Variants in RCHY1 observed in about 807,000 individuals in gnomAD.
RCHY1 encodes ring finger and CHY zinc finger domain containing 1, also known as RING finger and CHY zinc finger domain-containing protein 1.
Under a neutral mutation model 41.6 loss-of-function variants are expected in RCHY1, and 21 were observed. The observed-to-expected ratio is 0.51, with a 90% CI of 0.36 to 0.73. The LOEUF (loss-of-function observed/expected upper bound fraction) is 0.73, where lower values mean the gene tolerates loss of function less well. Ranked by LOEUF, RCHY1 falls within the 30% of genes least tolerant of loss-of-function variation. The pLI is 0.00. For missense variants in RCHY1, 265 were observed against 325.3 expected (o/e 0.81, Z 1.43); for synonymous variants, 79 against 102.9 (o/e 0.77, Z 1.41).
Position 75,514,394 on chromosome 4 carries a change from G to A in RCHY1, c.-108C>T. On this transcript the variant is annotated 5_prime_UTR_variant, in exon 1 of 9. Transcript: ENST00000324439. ...CCCCTCCCAGCCCCAGCGGCCACTA[G>A]CGACAATATGGCTCCTAAGCACGTG... 7.9e-7 allele frequency: 1 copy of A among 1,271,228 alleles called. No homozygotes were observed. The highest frequency in any genetic ancestry group is 2.6e-5 in the East Asian group (1 of 39,132). 78.7% of individuals were successfully genotyped at this position (1,271,228 alleles called of 1,614,324 possible). A position where few individuals can be genotyped will look rare whatever the true frequency, so the allele number is the denominator to read the frequency against.
chr4:75,495,703 A>G (rs1355274023), intron 3 of RCHY1, among the ~76,000 whole-genome samples: 1 of 152,066 alleles, frequency 6.6e-6, no homozygotes, highest in Non-Finnish European at 1.5e-5. Flanking sequence ...TTTCCATGAG[A>G]AATGAACTTC....
At position 75,481,847 on chromosome 4, in the gene RCHY1, T is replaced by TA. The variant is rs1159859740; in HGVS notation, c.*690dup. 6.6e-6 allele frequency: 1 copy of TA among 152,204 alleles called. No individual in the cohort carries two copies. The highest frequency in any genetic ancestry group is 1.9e-4 in the East Asian group (1 of 5,198). 9.4% of individuals were successfully genotyped at this position (152,204 alleles called of 1,614,324 possible). A position where few individuals can be genotyped will look rare whatever the true frequency, so the allele number is the denominator to read the frequency against. ...CTGTTTTCAATGTTGATGTTTTTAT[T>TA]AAGGCTTTGGAAGAGTCTTATTATT... On this transcript the variant is annotated 3_prime_UTR_variant, in exon 9 of 9. Coordinates refer to ENST00000324439, the MANE Select transcript of RCHY1 (RefSeq NM_015436.4).
At chr4:75,494,871 C>A (rs1189732983) in intron 3 of RCHY1, among the ~76,000 whole-genome samples, 1 of 151,836 alleles carries the variant, frequency 6.6e-6, no homozygotes. Flanking sequence ...GTATTATAGA[C>A]AAACAAAAGA....
intron 3 of RCHY1, among the ~76,000 whole-genome samples, chr4:75,501,537 A>G (rs1361948501): frequency 6.6e-6 from 1 of 152,244 alleles, no homozygotes; most frequent in East Asian, 1.9e-4. Context: ...TTTTTGAACA[A>G]TGACAAAAGA....
In RCHY1 at chr4:75,514,344, A is replaced by G; in HGVS notation, c.-58T>C. 6.4e-7 allele frequency: 1 copy of G among 1,566,478 alleles called. No homozygotes were observed. Among genetic ancestry groups the G allele is most frequent in the Admixed American group, 1.7e-5 (1 of 57,906 alleles). On this transcript the variant is annotated 5_prime_UTR_variant, in exon 1 of 9. Coordinates refer to ENST00000324439, the MANE Select transcript of RCHY1 (RefSeq NM_015436.4). ...TTCCCCCAGGATAAAAACCACGCCC[A>G]GAGAAGCTGCGCCTCTCTAGCACAC...
chr4:75,513,906 T>G (rs1413868940), intron 1 of RCHY1: 7 of 266,052 alleles, frequency 2.6e-5, no homozygotes, highest in African/African-American at 1.5e-4. Flanking sequence ...CGGGGCTGCC[T>G]CAGTCTACTT....
In RCHY1 at chr4:75,513,983, G is replaced by A. The variant is rs539176128; in HGVS notation, c.90+214C>T. The A allele has an allele frequency of 1.1e-3, 675 of 602,580 alleles. 2 individuals carry two copies. The highest frequency in any genetic ancestry group is 1.6e-3 in the Non-Finnish European group (580 of 371,294). 37.3% of individuals were successfully genotyped at this position (602,580 alleles called of 1,614,324 possible). A position where few individuals can be genotyped will look rare whatever the true frequency, so the allele number is the denominator to read the frequency against. Reference sequence around the variant, plus strand: ...TGCAAGCCTAATCACTTCCCAAGAAGGGTTTTGCTTTAAAGGTACGAAGCA... The same window carrying A: ...TGCAAGCCTAATCACTTCCCAAGAAAGGTTTTGCTTTAAAGGTACGAAGCA... On this transcript the variant is annotated intron_variant, in intron 1 of 8. Transcript: ENST00000324439.
chr4:75,489,572 A>G (rs17278863), intron 8 of RCHY1, among the ~76,000 whole-genome samples: 3,749 of 152,354 alleles, frequency 0.025, 59 homozygotes, highest in Non-Finnish European at 0.041. Context: ...GATGGTAATC[A>G]GATCCCCTTG....
At position 75,491,635 on chromosome 4, in the gene RCHY1, G is replaced by A. The variant is rs758856687; in HGVS notation, c.512C>T (p.Thr171Met). ...VLPCGHLLHR[T>M]CYEEMLKEGY... is the part of the protein sequence containing the mutation. ...CTCTTTCAACATTTCTTCATAACAC[G>A]TTCTGAAAGAAAATATAAGATTATT... is the stretch of plus-strand genomic sequence containing the variant. Residue 171 changes from threonine (T) to methionine (M), a missense_variant and splice_region_variant, in exon 7 of 9, where the codon ACG becomes ATG. Thr to Met is a moderately conservative substitution (Grantham distance 81). Coordinates refer to ENST00000324439, the MANE Select transcript of RCHY1 (RefSeq NM_015436.4). The A allele has an allele frequency of 1.8e-5, 28 of 1,599,144 alleles. No individual in the cohort carries two copies. Among genetic ancestry groups the A allele is most frequent in the Non-Finnish European group, 1.4e-5 (16 of 1,167,856 alleles).
At chr4:75,503,855 A>G (rs886250419) in intron 3 of RCHY1, among the ~76,000 whole-genome samples, 1 of 152,234 alleles carries the variant, frequency 6.6e-6, no homozygotes, top group African/African-American at 2.4e-5. Flanking sequence ...ACCAAAATTT[A>G]CTTAATATGG....
At position 75,514,250 on chromosome 4, in the gene RCHY1, G is replaced by A; in HGVS notation, c.37C>T (p.Gln13Ter). ...ATAREDGASGQERGQRGCEHY... is the reference protein window; with the variant it reads ...ATAREDGASG ...TCGCAGCCCCGCTGACCTCGCTCTT[G>A]ACCGCTGGCGCCATCTTCCCGGGCC... Residue 13 changes from glutamine (Q) to a stop codon, truncating the protein, a stop_gained, in exon 1 of 9, where the codon CAA (glutamine) becomes TAA (stop). Transcript: ENST00000324439. LOFTEE classifies it high-confidence loss of function. 1.2e-6 allele frequency: 2 copies of A among 1,612,794 alleles called. No individual in the cohort carries two copies. Among genetic ancestry groups the A allele is most frequent in the South Asian group, 1.1e-5 (1 of 91,046 alleles).
At chr4:75,485,423 G>A (rs1721909601) in intron 8 of RCHY1, among the ~76,000 whole-genome samples, 1 of 152,114 alleles carries the variant, frequency 6.6e-6, no homozygotes, top group African/African-American at 2.4e-5. Context: ...TATCTATAAA[G>A]GAAATTTACA....
At chr4:75,506,139 A>C (rs1343736911) in intron 3 of RCHY1, among the ~76,000 whole-genome samples, 2 of 151,926 alleles carry the variant, frequency 1.3e-5, no homozygotes, top group East Asian at 1.9e-4. Flanking sequence ...ACAAAAAAAA[A>C]AAAAACAAAA....
At chr4:75,486,975 T>C (rs764422478) in intron 8 of RCHY1, among the ~76,000 whole-genome samples, 1 of 151,936 alleles carries the variant, frequency 6.6e-6, no homozygotes, top group Non-Finnish European at 1.5e-5. Context: ...AAAGACTCCG[T>C]CTAAAAAAAA....
intron 3 of RCHY1, among the ~76,000 whole-genome samples, chr4:75,499,956 C>G (rs11735057): frequency 6.6e-6 from 1 of 152,094 alleles, no homozygotes; most frequent in Non-Finnish European, 1.5e-5. Context: ...ATATTTAAGC[C>G]TGGGCAACAA....
intron 1 of RCHY1, 147 bp downstream of exon 1, chr4:75,514,050 C>T: frequency 9.2e-6 from 12 of 1,298,506 alleles, no homozygotes; most frequent in Non-Finnish European, 1.2e-5. Flanking sequence ...AAAACGTTCT[C>T]CTCAAGAAGA....
At chr4:75,487,680 A>AT (rs1722274025) in intron 8 of RCHY1, among the ~76,000 whole-genome samples, 5 of 42,688 alleles carry the variant, frequency 1.2e-4, no homozygotes, top group Admixed American at 3.0e-4. Flanking sequence ...ATATATTCAT[A>AT]ATATATATAT....
rs1332215237 is a variant in RCHY1 at position 75,514,202 on chromosome 4, G to C, written c.85C>G (p.Leu29Val). Residue 29 changes from leucine (L) to valine (V), a missense_variant, in exon 1 of 9, where the codon CTA becomes GTA. By Grantham distance (32) the Leu-to-Val change is conservative (BLOSUM62 1). Transcript: ENST00000324439. ...GAGTCCATAGAAGGCGTCACCTTTA[G>C]GAGACATCCTCTGTCATAGTGCTCG... ...GCEHYDRGCL[L>V]KAPCCDKLYT... The C allele has an allele frequency of 6.2e-7, 1 of 1,612,146 alleles. No individual in the cohort carries two copies. The highest frequency in any genetic ancestry group is 8.5e-7 in the Non-Finnish European group (1 of 1,178,378).
chr4:75,501,882 C>T (rs939897364), intron 3 of RCHY1, among the ~76,000 whole-genome samples: 1 of 151,606 alleles, frequency 6.6e-6, no homozygotes, highest in Non-Finnish European at 1.5e-5. Flanking sequence ...AGTTCAAGAC[C>T]AGCCTGACCA....
Sources: gnomAD v4.1 joint callset for allele counts (sites outside exome capture counted in the v4.1 genomes callset) on GRCh38, gnomAD v4.1.1 for gene constraint, MANE v1.5 for transcripts, NCBI Gene and HGNC (gene_info 2026-07-23, HGNC 2026-07-21) for gene names.